The following UVRAG variants were observed in gnomAD, a reference collection of about 807,000 sequenced individuals.
UVRAG encodes the protein UV radiation resistance-associated gene protein.
In UVRAG, 19 loss-of-function variants were observed where a neutral mutation model predicts 78.0. The ratio of observed to expected loss-of-function variants is 0.24; its 90% CI spans 0.17 to 0.36. The LOEUF (loss-of-function observed/expected upper bound fraction) is 0.36, where lower values mean the gene tolerates loss of function less well. UVRAG is among the 10% of genes least tolerant of loss of function. UVRAG has a pLI of 1.00. For missense variants in UVRAG, 740 were observed against 853.8 expected (o/e 0.87, Z 1.66); for synonymous variants, 323 against 324.6 (o/e 1.00, Z 0.05).
At chr11:75,967,201 ATCT>A (rs1433933910) in intron 7 of UVRAG, among the ~76,000 whole-genome samples, 1 of 152,328 alleles carries the variant, frequency 6.6e-6, no homozygotes, top group East Asian at 1.9e-4. Flanking sequence ...CATAGTCTAT[ATCT>A]TCTATGAGAG....
chr11:76,100,390 A>G (rs1313927765), intron 13 of UVRAG, among the ~76,000 whole-genome samples: 4 of 152,120 alleles, frequency 2.6e-5, no homozygotes, highest in African/African-American at 4.8e-5. Context: ...TAGATACACA[A>G]AAATGTTTAT....
intron 13 of UVRAG, among the ~76,000 whole-genome samples, chr11:76,114,049 A>G (rs1487380678): frequency 6.6e-6 from 1 of 152,106 alleles, no homozygotes; most frequent in African/African-American, 2.4e-5. Context: ...TCGGAGACAC[A>G]TAGCTTAGTG....
intron 1 of UVRAG, among the ~76,000 whole-genome samples, chr11:75,818,979 C>G (rs1945327476): frequency 1.3e-5 from 2 of 152,130 alleles, no homozygotes; most frequent in Admixed American, 1.3e-4. Context: ...CCTCCCCAGT[C>G]CTGACAATCA....
At chr11:76,031,339 C>T (rs931206284) in intron 12 of UVRAG, among the ~76,000 whole-genome samples, 2 of 152,176 alleles carry the variant, frequency 1.3e-5, no homozygotes, top group African/African-American at 4.8e-5. Context: ...CAGAAGGTGG[C>T]TGCTGGGTGA....
chr11:76,098,358 G>A (rs1286179994), intron 13 of UVRAG, among the ~76,000 whole-genome samples: 1 of 152,110 alleles, frequency 6.6e-6, no homozygotes, highest in Non-Finnish European at 1.5e-5. Context: ...TGTCAAGCAG[G>A]TGTTGTTATA....
At chr11:75,859,307 C>T (rs908571905) in intron 2 of UVRAG, among the ~76,000 whole-genome samples, 8 of 150,650 alleles carry the variant, frequency 5.3e-5, no homozygotes, top group Non-Finnish European at 7.4e-5. Flanking sequence ...ACCCGGGAGG[C>T]GGAGGTTGCG....
intron 14 of UVRAG, among the ~76,000 whole-genome samples, chr11:76,128,226 T>C (rs545241532): frequency 6.6e-5 from 10 of 152,260 alleles, no homozygotes; most frequent in African/African-American, 2.2e-4. Context: ...AGCAGCAGCA[T>C]TAGATCCTCA....
chr11:75,975,392 A>G (rs1167226201), intron 7 of UVRAG, among the ~76,000 whole-genome samples: 1 of 152,134 alleles, frequency 6.6e-6, no homozygotes, highest in Non-Finnish European at 1.5e-5. Context: ...GTTTTTTCCA[A>G]TTCTGTGAAG....
At chr11:75,845,110 ATCTG>A (rs1200359864) in intron 1 of UVRAG, among the ~76,000 whole-genome samples, 1 of 152,118 alleles carries the variant, frequency 6.6e-6, no homozygotes, top group Non-Finnish European at 1.5e-5. Flanking sequence ...GTGCCCTATA[ATCTG>A]TCTGTCTCCC....
chr11:76,072,176 A>G (rs942119716), intron 13 of UVRAG, among the ~76,000 whole-genome samples: 2 of 152,152 alleles, frequency 1.3e-5, no homozygotes, highest in Non-Finnish European at 2.9e-5. Flanking sequence ...TAGAAGTTGA[A>G]TAGAGGAGGA....
Position 75,851,916 on chromosome 11 carries a change from C to T in UVRAG, c.151C>T (p.Arg51Trp), listed in dbSNP as rs1407463912. Reference protein sequence around the residue: ...RLRHLRNIAARNIVNRNGHQL... With the variant: ...RLRHLRNIAAWNIVNRNGHQL... Reference sequence around the variant, plus strand: ...TCGACATCTTCGGAACATTGCTGCCCGGAACATTGTTAATAGAAATGGCCA... The same window carrying T: ...TCGACATCTTCGGAACATTGCTGCCTGGAACATTGTTAATAGAAATGGCCA... The change falls in exon 2 of 15, where the codon CGG (arginine) becomes TGG (tryptophan). Residue 51 changes from arginine (R) to tryptophan (W), a missense_variant. Arg to Trp is a moderately radical substitution (Grantham distance 101, BLOSUM62 -3). Transcript: ENST00000356136. 5.0e-6 allele frequency: 8 copies of T among 1,613,840 alleles called. No individual in the cohort carries two copies. Among genetic ancestry groups the T allele is most frequent in the Non-Finnish European group, 6.8e-6 (8 of 1,179,938 alleles).
chr11:76,009,824 T>C (rs987033984), intron 11 of UVRAG, among the ~76,000 whole-genome samples: 30 of 152,346 alleles, frequency 2.0e-4, no homozygotes, highest in African/African-American at 7.0e-4. Context: ...ACAAGTAATG[T>C]AACCTTTGAG....
At chr11:75,947,428 G>A (rs977850504) in intron 6 of UVRAG, among the ~76,000 whole-genome samples, 16 of 152,188 alleles carry the variant, frequency 1.1e-4, no homozygotes, top group African/African-American at 3.9e-4. Flanking sequence ...AAAGATAGTG[G>A]GATAAAATGC....
intron 1 of UVRAG, among the ~76,000 whole-genome samples, chr11:75,847,658 A>G (rs1352997509): frequency 1.3e-5 from 2 of 152,118 alleles, no homozygotes; most frequent in African/African-American, 4.8e-5. Context: ...CCAAGATTGC[A>G]TCAGTAATTT....
chr11:76,118,996 A>G (rs891533918), intron 14 of UVRAG, among the ~76,000 whole-genome samples: 1 of 151,604 alleles, frequency 6.6e-6, no homozygotes, highest in African/African-American at 2.4e-5. Context: ...TTAACTACTG[A>G]TTTAATTTCT....
chr11:76,037,851 C>T (rs187048252), intron 12 of UVRAG, among the ~76,000 whole-genome samples: 15 of 152,162 alleles, frequency 9.9e-5, no homozygotes, highest in Admixed American at 3.3e-4. Context: ...TGTACATGTC[C>T]GTATAAATGT....
At chr11:76,018,236 C>T (rs1309141992) in intron 12 of UVRAG, among the ~76,000 whole-genome samples, 3 of 150,142 alleles carry the variant, frequency 2.0e-5, no homozygotes, top group Non-Finnish European at 3.0e-5. Flanking sequence ...AAATATGTAA[C>T]ATCACTCTCT....
At chr11:76,006,624 G>C (rs943457810) in intron 9 of UVRAG, among the ~76,000 whole-genome samples, 8 of 113,748 alleles carry the variant, frequency 7.0e-5, no homozygotes, top group East Asian at 3.1e-4. Flanking sequence ...TTGTGCCACT[G>C]TACTCCAGCC....
chr11:76,093,852 C>G (rs1288754278), intron 13 of UVRAG, among the ~76,000 whole-genome samples: 3 of 152,176 alleles, frequency 2.0e-5, no homozygotes, highest in Admixed American at 6.5e-5. Flanking sequence ...CCCTTTATTT[C>G]TTTCTCCTGC....
Sources: allele counts gnomAD v4.1 joint callset (sites outside exome capture counted in the v4.1 genomes callset), GRCh38; gene constraint gnomAD v4.1.1; transcripts MANE v1.5; gene names NCBI Gene and HGNC (gene_info 2026-07-23, HGNC 2026-07-21).